Variants in GRM5 observed in about 807,000 individuals in gnomAD.
GRM5 encodes glutamate metabotropic receptor 5.
Under a neutral mutation model 83.1 loss-of-function variants are expected in GRM5, and 19 were observed. The observed-to-expected ratio is 0.23, with a 90% confidence interval of 0.16 to 0.34. GRM5 has a LOEUF of 0.34. Among genes scored for constraint, GRM5 ranks in the 10% least tolerant of loss-of-function variants. GRM5 has a pLI of 1.00. For missense variants in GRM5, 1,160 were observed against 1,588.3 expected (o/e 0.73, Z 4.58); for synonymous variants, 675 against 633.6 (o/e 1.07, Z -0.98).
chr11:88,990,469 T>A (rs1026440747), intron 2 of GRM5, among the ~76,000 whole-genome samples: 1 of 151,546 alleles, frequency 6.6e-6, no homozygotes, highest in African/African-American at 2.4e-5. Context: ...CTGAAATTAT[T>A]CCAATCAATA....
At chr11:88,915,686 A>G (rs2135618796) in intron 2 of GRM5, among the ~76,000 whole-genome samples, 2 of 152,252 alleles carry the variant, frequency 1.3e-5, no homozygotes, top group East Asian at 3.9e-4. Flanking sequence ...TTGACAATCC[A>G]TTTCTTCAGT....
intron 2 of GRM5, among the ~76,000 whole-genome samples, chr11:89,015,050 A>G (rs377569199): frequency 1.7e-4 from 26 of 152,326 alleles, no homozygotes; most frequent in Middle Eastern, 6.8e-3. Context: ...GAAACACAAT[A>G]TAACATGGTT....
chr11:88,770,351 T>G (rs1398261357), intron 3 of GRM5, among the ~76,000 whole-genome samples: 6 of 152,108 alleles, frequency 3.9e-5, no homozygotes, highest in African/African-American at 1.4e-4. Flanking sequence ...ACTAAATAAT[T>G]ATGTATTGAT....
intron 3 of GRM5, among the ~76,000 whole-genome samples, chr11:88,724,897 T>G (rs553652135): frequency 6.6e-6 from 1 of 152,228 alleles, no homozygotes; most frequent in African/African-American, 2.4e-5. Context: ...TGACAAAGTC[T>G]TCACAACCCG....
intron 3 of GRM5, among the ~76,000 whole-genome samples, chr11:88,824,025 T>C (rs1368318902): frequency 6.6e-6 from 1 of 152,226 alleles, no homozygotes; most frequent in Non-Finnish European, 1.5e-5. Context: ...TACTGCATAT[T>C]GGTTTACTCC....
intron 8 of GRM5, among the ~76,000 whole-genome samples, chr11:88,558,482 C>A (rs1942677317): frequency 6.6e-6 from 1 of 152,022 alleles, no homozygotes; most frequent in Non-Finnish European, 1.5e-5. Flanking sequence ...GCAATTTCTG[C>A]TGTTGAGATT....
chr11:88,564,704 T>C (rs561628786), intron 8 of GRM5, among the ~76,000 whole-genome samples: 1 of 152,326 alleles, frequency 6.6e-6, no homozygotes, highest in East Asian at 1.9e-4. Flanking sequence ...ATATTCTATG[T>C]GTCAAGCACC....
In GRM5 at chr11:88,525,408, G is replaced by A. The variant is rs1366130181; in HGVS notation, c.2631-4C>T. On this transcript the variant is annotated splice_region_variant and splice_polypyrimidine_tract_variant and intron_variant, in intron 8 of 9. Transcript: ENST00000305447. ...GGCCAGTCTCCTGTCTTTGTACCTG[G>A]TGAGCATGAACAAGGACAGGAGCAA... The A allele has an allele frequency of 6.3e-7, 1 of 1,575,778 alleles. No individual in the cohort carries two copies. The highest frequency in any genetic ancestry group is 2.2e-5 in the East Asian group (1 of 44,640).
chr11:88,819,554 T>A (rs1014325423), intron 3 of GRM5, among the ~76,000 whole-genome samples: 1 of 152,220 alleles, frequency 6.6e-6, no homozygotes, highest in Non-Finnish European at 1.5e-5. Context: ...ATGAAAGAAT[T>A]CATGTTGTTA....
chr11:88,635,136 G>GGTACAGAT (rs1939083248), intron 4 of GRM5, among the ~76,000 whole-genome samples: 1 of 152,050 alleles, frequency 6.6e-6, no homozygotes, highest in African/African-American at 2.4e-5. Flanking sequence ...ATGAGCATTG[G>GGTACAGAT]GTACAGATAC....
intron 9 of GRM5, among the ~76,000 whole-genome samples, chr11:88,519,548 T>C (rs916953412): frequency 6.6e-6 from 1 of 152,146 alleles, no homozygotes; most frequent in African/African-American, 2.4e-5. Flanking sequence ...ATCATGCAGA[T>C]AAAGCATTTG....
intron 3 of GRM5, among the ~76,000 whole-genome samples, chr11:88,778,611 G>A (rs181011696): frequency 1.3e-5 from 2 of 152,090 alleles, no homozygotes; most frequent in Non-Finnish European, 2.9e-5. Context: ...TCATTTTTAT[G>A]TTGTTATTAA....
chr11:88,893,713 C>T (rs1438535852), intron 2 of GRM5, among the ~76,000 whole-genome samples: 1 of 151,970 alleles, frequency 6.6e-6, no homozygotes, highest in Admixed American at 6.6e-5. Flanking sequence ...CTGAACAACA[C>T]ATGGATGCAT....
chr11:88,711,409 G>A (rs953299076), intron 3 of GRM5, among the ~76,000 whole-genome samples: 11 of 152,098 alleles, frequency 7.2e-5, no homozygotes, highest in African/African-American at 2.7e-4. Context: ...AAGGGAGAGT[G>A]GGTCTGGAGG....
chr11:88,576,304 G>C (rs1943108982), intron 7 of GRM5, among the ~76,000 whole-genome samples: 1 of 152,080 alleles, frequency 6.6e-6, no homozygotes, highest in African/African-American at 2.4e-5. Context: ...ATGGCTCCCT[G>C]GGCCTGTACC....
At position 88,899,087 on chromosome 11, in the gene GRM5, T is replaced by G. The variant is rs1397570917; in HGVS notation, c.662-48932A>C. On this transcript the variant is annotated intron_variant, in intron 2 of 9. Coordinates refer to ENST00000305447, the MANE Select transcript of GRM5 (RefSeq NM_001143831.3). ...CTTGTCAGTTTCCTAGGTTTCCGAT[T>G]GTGATCTTTAGATTTTTTTGACTAG... Among the ~76,000 whole-genome samples, 3 of 152,106 alleles carry G rather than the reference T, an allele frequency of 2.0e-5. No homozygotes were observed. In the East Asian group the frequency reaches 5.8e-4, roughly 29 times the overall value.
chr11:88,794,112 G>A (rs1307604713), intron 3 of GRM5, among the ~76,000 whole-genome samples: 1 of 152,156 alleles, frequency 6.6e-6, no homozygotes, highest in Admixed American at 6.5e-5. Flanking sequence ...TTGAAGGTGA[G>A]AGATAATTAA....
chr11:88,623,267 AGTATTTTTTT>A (rs1441251504), intron 4 of GRM5, among the ~76,000 whole-genome samples: 3 of 151,336 alleles, frequency 2.0e-5, no homozygotes, highest in Non-Finnish European at 4.4e-5. Context: ...TTGTATTTTT[AGTATTTTTTT>A]GTATTTTTGT....
At chr11:88,575,000 T>TTTTTA (rs1282082277) in intron 7 of GRM5, among the ~76,000 whole-genome samples, 3 of 149,044 alleles carry the variant, frequency 2.0e-5, no homozygotes, top group African/African-American at 7.5e-5. Flanking sequence ...TTTTTTTTTT[T>TTTTTA]TACTTTAGCA....
Sources: gnomAD v4.1 joint callset for allele counts (sites outside exome capture counted in the v4.1 genomes callset) on GRCh38, gnomAD v4.1.1 for gene constraint, MANE v1.5 for transcripts, NCBI Gene and HGNC (gene_info 2026-07-23, HGNC 2026-07-21) for gene names.